Variants in MYOZ3 observed in about 807,000 individuals in gnomAD.
The protein encoded by MYOZ3 is myozenin 3, also known as myozenin-3.
Under a neutral mutation model 26.5 loss-of-function variants are expected in MYOZ3, and 19 were observed. The observed-to-expected ratio is 0.72, with a 90% CI of 0.50 to 1.05. The LOEUF (loss-of-function observed/expected upper bound fraction) is 1.05. Ranked by LOEUF, MYOZ3 falls within the 50% of genes least tolerant of loss-of-function variation. MYOZ3 has a pLI of 0.00. For missense variants in MYOZ3, 322 were observed against 337.1 expected (o/e 0.96, Z 0.35); for synonymous variants, 135 against 138.8 (o/e 0.97, Z 0.19).
chr5:150,663,055 C>T (rs953598839), intron 2 of MYOZ3, 53 bp downstream of exon 2: 6 of 1,479,734 alleles, frequency 4.1e-6, no homozygotes, highest in Non-Finnish European at 5.6e-6. Flanking sequence ...TTCCTTGCTC[C>T]CAGGCTGCAC....
At chr5:150,672,626 A>G (rs1192229074) in intron 6 of MYOZ3, 124 bp downstream of exon 6, 9 of 1,176,056 alleles carry the variant, frequency 7.7e-6, no homozygotes, top group South Asian at 6.6e-5. Context: ...AGCGCTTTCT[A>G]TTCATTGACT....
chr5:150,669,210 G>C (rs1001456552), intron 2 of MYOZ3: 3 of 152,084 alleles, frequency 2.0e-5, no homozygotes, highest in Non-Finnish European at 2.9e-5. Flanking sequence ...GGGAGCCCGA[G>C]GGGGGGTGGG....
chr5:150,660,951 A>ATCTG (rs113058662), upstream of MYOZ3: 141,624 of 152,170 alleles, frequency 0.93, 65,986 homozygotes, highest in Middle Eastern at 0.96. Context: ...TCATTCATCC[A>ATCTG]TCTATCTATC....
At chr5:150,672,667 T>A (rs1303175870) in intron 6 of MYOZ3, 165 bp downstream of exon 6, 3 of 728,118 alleles carry the variant, frequency 4.1e-6, no homozygotes, top group Non-Finnish European at 6.6e-6. Context: ...CCTCCGCACC[T>A]GGTAGGTGCT....
chr5:150,672,741 GT>G, intron 6 of MYOZ3: 1 of 500,124 alleles, frequency 2.0e-6, no homozygotes, highest in East Asian at 3.4e-5. Flanking sequence ...CCAGGACATG[GT>G]GGGCGGGTGC....
chr5:150,669,371 C>T (rs566875989), intron 2 of MYOZ3, among the ~76,000 whole-genome samples: 58 of 151,330 alleles, frequency 3.8e-4, no homozygotes, highest in African/African-American at 1.2e-3. Context: ...TGCTTGAACC[C>T]GGGAGGCGGA....
chr5:150,666,246 G>A (rs111790129), intron 2 of MYOZ3, among the ~76,000 whole-genome samples: 1,771 of 152,214 alleles, frequency 0.012, 33 homozygotes, highest in African/African-American at 0.038. Flanking sequence ...GGTCACTGCT[G>A]TGGTGACATG....
intron 6 of MYOZ3, chr5:150,672,723 G>C (rs1242638033): frequency 1.8e-6 from 1 of 547,050 alleles, no homozygotes; most frequent in African/African-American, 2.0e-5. Flanking sequence ...GCACATCTTG[G>C]ATATTCTCCA....
intron 2 of MYOZ3, among the ~76,000 whole-genome samples, chr5:150,663,837 A>T (rs1758770223): frequency 6.6e-6 from 1 of 151,812 alleles, no homozygotes; most frequent in South Asian, 2.1e-4. Context: ...TCTACAAAAA[A>T]AAAAAATTAG....
At chr5:150,669,617 T>G (rs1379420194) in intron 2 of MYOZ3, among the ~76,000 whole-genome samples, 1 of 139,312 alleles carries the variant, frequency 7.2e-6, no homozygotes, top group Non-Finnish European at 1.6e-5. Flanking sequence ...CCAACTTTCC[T>G]CAGGGCCCAT....
chr5:150,672,686 G>A, intron 6 of MYOZ3, 184 bp downstream of exon 6: 1 of 645,838 alleles, frequency 1.5e-6, no homozygotes, highest in South Asian at 2.3e-5. Context: ...CTCAGTTAAC[G>A]TGGGAGAAAT....
intron 2 of MYOZ3, among the ~76,000 whole-genome samples, chr5:150,667,084 A>G (rs1008953153): frequency 6.6e-5 from 10 of 152,142 alleles, no homozygotes; most frequent in Non-Finnish European, 1.5e-4. Flanking sequence ...TTCTGTTCTT[A>G]GCACATAAAA....
At chr5:150,674,081 T>C (rs1291608911) in intron 6 of MYOZ3, among the ~76,000 whole-genome samples, 1 of 152,204 alleles carries the variant, frequency 6.6e-6, no homozygotes. Flanking sequence ...TGCCCTCAAA[T>C]ATCTGAATAG....
At chr5:150,672,528 G>A (rs1368427885) in intron 6 of MYOZ3, 26 bp downstream of exon 6, 1 of 1,534,584 alleles carries the variant, frequency 6.5e-7, no homozygotes, top group Admixed American at 2.0e-5. Context: ...CAGCCCGGGG[G>A]ACAGACCGGG....
rs777293250 is a variant in MYOZ3, at chr5:150,677,401, A to G, written c.*526A>G. On this transcript the variant is annotated 3_prime_UTR_variant, in exon 7 of 7. Coordinates refer to ENST00000517768, the MANE Select transcript of MYOZ3 (RefSeq NM_001122853.3). ...AGCCGAGATTGCGCCACTGCACCCC[A>G]GCCTGGACAACAGAGTGAGACTCCT... The G allele has an allele frequency of 2.0e-5, 3 of 153,300 alleles. No homozygotes were observed. The highest frequency in any genetic ancestry group is 1.5e-5 in the Non-Finnish European group (1 of 68,696). 9.5% of individuals were successfully genotyped at this position (153,300 alleles called of 1,614,324 possible). A position where few individuals can be genotyped will look rare whatever the true frequency, so the allele number is the denominator to read the frequency against.
At chr5:150,663,216 C>T (rs1758762325) in intron 2 of MYOZ3, among the ~76,000 whole-genome samples, 1 of 152,262 alleles carries the variant, frequency 6.6e-6, no homozygotes, top group South Asian at 2.1e-4. Flanking sequence ...GACCCAGGAG[C>T]TGAGGCTGAG....
chr5:150,671,546 C>G, intron 3 of MYOZ3, 51 bp from the exon 4 acceptor site: 2 of 1,604,368 alleles, frequency 1.2e-6, no homozygotes, highest in Non-Finnish European at 8.5e-7. Flanking sequence ...GAACCCTGGT[C>G]CCCTGCCCCG....
rs534219526 is a variant in MYOZ3, at chr5:150,676,836, G to A, written c.717G>A (p.Gln239=). The A allele has an allele frequency of 1.2e-6, 2 of 1,613,478 alleles. No individual in the cohort carries two copies. The highest frequency in any genetic ancestry group is 2.2e-5 in the South Asian group (2 of 91,068). Residue 239 remains glutamine, a synonymous_variant, in exon 7 of 7, where the codon CAG becomes CAA. Transcript: ENST00000517768. ...GACCCAGCTTCAACAGAGTGGCCCA[G>A]GGCTGGGTCCGTAACCTCCCAGAGT... ...RLRPSFNRVA[Q]GWVRNLPESE...
rs1188352915 is a variant in MYOZ3, at chr5:150,676,912, C to T, written c.*37C>T. 1.3e-6 allele frequency: 2 copies of T among 1,574,902 alleles called. No individual in the cohort carries two copies. The highest frequency in any genetic ancestry group is 1.7e-5 in the Admixed American group (1 of 57,652). On this transcript the variant is annotated 3_prime_UTR_variant, in exon 7 of 7. Transcript: ENST00000517768. The stretch of plus-strand genomic sequence containing the variant: ...ATCTTCAGTTCCCCAGTCTCGGGGG[C>T]CTGGTAACATCCGGAGCCAAGACTT...
Sources: gnomAD v4.1 joint callset for allele counts (sites outside exome capture counted in the v4.1 genomes callset) on GRCh38, gnomAD v4.1.1 for gene constraint, MANE v1.5 for transcripts, NCBI Gene and HGNC (gene_info 2026-07-23, HGNC 2026-07-21) for gene names.